ZNF83: variants seen among roughly 807,000 people sequenced by gnomAD.
The protein encoded by ZNF83 is zinc finger protein 83, also known as zinc finger protein 816B.
For missense variants in ZNF83, 552 were observed against 629.9 expected (o/e 0.88, Z 1.32); for synonymous variants, 209 against 213.0 (o/e 0.98, Z 0.17).
chr19:52,629,859 C>T (rs1442263574), intron 2 of ZNF83, among the ~76,000 whole-genome samples: 2 of 152,196 alleles, frequency 1.3e-5, no homozygotes, highest in Admixed American at 1.3e-4. Flanking sequence ...AAATTCCGGC[C>T]CTCAAACCCC....
chr19:52,628,880 T>C (rs1323568888), intron 2 of ZNF83, among the ~76,000 whole-genome samples: 1 of 151,740 alleles, frequency 6.6e-6, no homozygotes, highest in African/African-American at 2.4e-5. Flanking sequence ...CAACCTCTTA[T>C]ATCTCTGTGC....
intron 3 of ZNF83, among the ~76,000 whole-genome samples, chr19:52,645,523 T>G (rs2061360661): frequency 6.6e-6 from 1 of 152,138 alleles, no homozygotes; most frequent in African/African-American, 2.4e-5. Flanking sequence ...AAGATTTATC[T>G]TGGCCAGGCA....
At chr19:52,641,443 A>G (rs1046093855), upstream of ZNF83, among the ~76,000 whole-genome samples, 8 of 152,236 alleles carry the variant, frequency 5.3e-5, no homozygotes, top group African/African-American at 1.4e-4. Flanking sequence ...TATTTTAATC[A>G]AATATTAGAA....
At chr19:52,667,744 C>A (rs1353539289) in intron 1 of ZNF83, among the ~76,000 whole-genome samples, 1 of 152,058 alleles carries the variant, frequency 6.6e-6, no homozygotes, top group Non-Finnish European at 1.5e-5. Context: ...CTAACATGCT[C>A]TTCAACAAAA....
intron 1 of ZNF83, among the ~76,000 whole-genome samples, chr19:52,665,114 A>T (rs960288520): frequency 6.6e-5 from 10 of 152,148 alleles, no homozygotes; most frequent in African/African-American, 2.4e-4. Context: ...CCAATTAGAA[A>T]TCCTCTCCCT....
upstream of ZNF83, among the ~76,000 whole-genome samples, chr19:52,641,291 C>G (rs2061302110): frequency 6.6e-6 from 1 of 152,302 alleles, no homozygotes; most frequent in South Asian, 2.1e-4. Context: ...GGTAATGTAT[C>G]TATCTGACAG....
At chr19:52,685,880 C>T (rs556530899) in intron 1 of ZNF83, among the ~76,000 whole-genome samples, 33 of 127,514 alleles carry the variant, frequency 2.6e-4, no homozygotes, top group Non-Finnish European at 4.8e-4. Context: ...GCCTGGGGAA[C>T]AAGAGTGTAA....
rs867768592 is a variant in ZNF83, at chr19:52,657,153, G to C, written c.-200-1466C>G. On this transcript the variant is annotated intron_variant, in intron 2 of 5. Coordinates refer to the ZNF83 transcript ENST00000594682. ...AAAAGTTGGAAGCTCATTGAATTAA[G>C]AGACAACTTCAAGAAATCATAAATG... Among the ~76,000 whole-genome samples, 7 of 152,014 alleles carry C rather than the reference G, an allele frequency of 4.6e-5. No individual in the cohort carries two copies. In the Middle Eastern group the frequency reaches 0.02, roughly 443 times the overall value.
chr19:52,667,977 A>G (rs1383450551), intron 1 of ZNF83, among the ~76,000 whole-genome samples: 1 of 152,208 alleles, frequency 6.6e-6, no homozygotes, highest in Non-Finnish European at 1.5e-5. Context: ...AATAGGTGCT[A>G]AAGAAAATTT....
chr19:52,637,300 G>C (rs1022999712), intron 1 of ZNF83, among the ~76,000 whole-genome samples: 5 of 151,884 alleles, frequency 3.3e-5, no homozygotes, highest in Non-Finnish European at 4.4e-5. Flanking sequence ...TCCCCAATAT[G>C]TGGAACCACA....
At chr19:52,677,329 A>AAAAAAAAAAAAAAAAAAAAAAAAAAAAT (rs1555791128) in intron 1 of ZNF83, among the ~76,000 whole-genome samples, 1 of 129,116 alleles carries the variant, frequency 7.7e-6, no homozygotes, top group African/African-American at 3.0e-5. Flanking sequence ...AAAAAAAAAA[A>AAAAAAAAAAAAAAAAAAAAAAAAAAAAT]ACAAAAATTA....
intron 1 of ZNF83, among the ~76,000 whole-genome samples, chr19:52,687,214 G>T (rs1174646846): frequency 6.8e-6 from 1 of 147,920 alleles, no homozygotes; most frequent in African/African-American, 2.5e-5. Flanking sequence ...TGTAGGCCAG[G>T]CGCAGTGCCT....
upstream of ZNF83, among the ~76,000 whole-genome samples, chr19:52,641,761 C>T (rs781445793): frequency 6.6e-6 from 1 of 152,142 alleles, no homozygotes; most frequent in African/African-American, 2.4e-5. Context: ...TAGAAATCTC[C>T]TTTGCCAAGG....
At chr19:52,670,081 C>T (rs1209778965) in intron 1 of ZNF83, among the ~76,000 whole-genome samples, 2 of 152,138 alleles carry the variant, frequency 1.3e-5, no homozygotes, top group Non-Finnish European at 1.5e-5. Context: ...CAACCTTTTT[C>T]GATCACCTGC....
At chr19:52,679,891 TG>T (rs2061879078) in intron 1 of ZNF83, among the ~76,000 whole-genome samples, 1 of 151,942 alleles carries the variant, frequency 6.6e-6, no homozygotes, top group African/African-American at 2.4e-5. Context: ...ATCAAAAGCA[TG>T]TATGGGGGCT....
intron 1 of ZNF83, among the ~76,000 whole-genome samples, chr19:52,662,808 G>A (rs558063880): frequency 6.6e-4 from 100 of 152,112 alleles, no homozygotes; most frequent in South Asian, 4.2e-4. Context: ...AAGGAGGTGC[G>A]GCTCATTCCT....
intron 1 of ZNF83, among the ~76,000 whole-genome samples, chr19:52,673,657 G>T (rs1278689810): frequency 1.3e-5 from 2 of 151,994 alleles, no homozygotes; most frequent in Non-Finnish European, 2.9e-5. Context: ...TTTGTTTTTT[G>T]TTTTTTCTGG....
At chr19:52,626,577 C>A (rs1243304918) in intron 2 of ZNF83, among the ~76,000 whole-genome samples, 1 of 152,090 alleles carries the variant, frequency 6.6e-6, no homozygotes, top group Non-Finnish European at 1.5e-5. Context: ...TTATTCAGGC[C>A]CTGTGTCTTC....
upstream of ZNF83, among the ~76,000 whole-genome samples, chr19:52,642,687 T>C (rs772982848): frequency 3.3e-5 from 5 of 152,200 alleles, no homozygotes; most frequent in Non-Finnish European, 5.9e-5. Context: ...CTGATATTTC[T>C]TTATATACAT....
Sources: allele counts gnomAD v4.1 joint callset (sites outside exome capture counted in the v4.1 genomes callset), GRCh38; gene constraint gnomAD v4.1.1; transcripts MANE v1.5; gene names NCBI Gene and HGNC (gene_info 2026-07-23, HGNC 2026-07-21).